The following RABGAP1L variants were observed in gnomAD, a reference collection of about 807,000 sequenced individuals.
The protein encoded by RABGAP1L is rab GTPase-activating protein 1-like.
RABGAP1L carries 63 observed loss-of-function variants against 137.7 expected under a neutral mutation model. That is an observed-to-expected ratio of 0.46 (90% confidence interval 0.37 to 0.56). The LOEUF (loss-of-function observed/expected upper bound fraction) is 0.56, where lower values mean the gene tolerates loss of function less well. Ranked by LOEUF, RABGAP1L falls within the 20% of genes least tolerant of loss-of-function variation. The probability of loss-of-function intolerance (pLI) is 0.00; values close to 1 mark genes in which losing one functional copy is unlikely to be tolerated. For synonymous variants in RABGAP1L, 431 were observed against 433.7 expected (o/e 0.99, Z 0.08); for missense variants, 1,095 against 1,244.0 (o/e 0.88, Z 1.80).
intron 17 of RABGAP1L, among the ~76,000 whole-genome samples, chr1:174,727,654 TA>T (rs1558023513): frequency 6.6e-6 from 1 of 152,188 alleles, no homozygotes; most frequent in Non-Finnish European, 1.5e-5. Context: ...TTGTATATCT[TA>T]AAATGACAAG....
rs148959789 is a variant in RABGAP1L at position 174,459,351 on chromosome 1, A to C, written c.1710+65206A>C. ...GTAAGAAAATGAATAAATGATCTTG[A>C]TGTTTTTCTTGAAAATACAGTTCAC... is the stretch of plus-strand genomic sequence containing the variant. On this transcript the variant is annotated intron_variant, in intron 13 of 25. Coordinates refer to ENST00000681986, the MANE Select transcript of RABGAP1L (RefSeq NM_001366446.1). 1.3e-3 allele frequency among the ~76,000 whole-genome samples: 196 copies of C among 152,272 alleles called. 1 individual carries two copies. Among genetic ancestry groups the C allele is most frequent in the African/African-American group, 4.6e-3 (192 of 41,594 alleles).
In RABGAP1L at chr1:174,752,313, G is replaced by C; in HGVS notation, c.2170G>C (p.Gly724Arg). The C allele has an allele frequency of 6.3e-7, 1 of 1,581,768 alleles. No homozygotes were observed. Among genetic ancestry groups the C allele is most frequent in the Non-Finnish European group, 8.6e-7 (1 of 1,162,464 alleles). ...FHIIDLLLCE[G>R]LNIIFHVALA... ...TCTTCACTTTCTTTTTCTATTTCAG[G>C]GTTTGAACATAATCTTTCATGTAGC... The change falls in exon 18 of 26, where the codon GGT becomes CGT. Residue 724 changes from glycine (G) to arginine (R), a missense_variant and splice_region_variant. By Grantham distance (125) the Gly-to-Arg change is moderately radical. This residue lies in a region of RABGAP1L where 312 missense variants were observed against 435.6 expected (regional missense o/e 0.72). Coordinates refer to ENST00000681986, the MANE Select transcript of RABGAP1L (RefSeq NM_001366446.1).
intron 13 of RABGAP1L, among the ~76,000 whole-genome samples, chr1:174,475,007 G>T (rs558369335): frequency 6.6e-6 from 1 of 152,096 alleles, no homozygotes; most frequent in South Asian, 2.1e-4. Context: ...TGTATTAAAT[G>T]TAATGTATGT....
chr1:174,826,615 A>G (rs1340330568), intron 19 of RABGAP1L, among the ~76,000 whole-genome samples: 1 of 152,214 alleles, frequency 6.6e-6, no homozygotes, highest in Non-Finnish European at 1.5e-5. Context: ...ACATACAGGT[A>G]CATGTGTCTT....
chr1:174,962,163 A>C (rs1484989066), intron 20 of RABGAP1L, among the ~76,000 whole-genome samples: 4 of 148,236 alleles, frequency 2.7e-5, no homozygotes, highest in Admixed American at 1.3e-4. Context: ...CGACAGAGTG[A>C]GACTCCGTCT....
At chr1:174,333,518 G>A (rs1681216492) in intron 11 of RABGAP1L, among the ~76,000 whole-genome samples, 1 of 152,150 alleles carries the variant, frequency 6.6e-6, no homozygotes, top group Admixed American at 6.5e-5. Context: ...AGCTCAGCAA[G>A]TCCACTTATT....
rs190865449 is a variant in RABGAP1L at position 174,964,282 on chromosome 1, C to T, written c.2434-4995C>T. On this transcript the variant is annotated intron_variant, in intron 20 of 25. Transcript: ENST00000681986. Reference sequence around the variant, plus strand: ...CCTTAAAAGTCTTTAAAAGCATGTGCCAAGAATTCATCATAGCAGCAGACA... The same window carrying T: ...CCTTAAAAGTCTTTAAAAGCATGTGTCAAGAATTCATCATAGCAGCAGACA... Among the ~76,000 whole-genome samples the T allele has an allele frequency of 2.1e-4, 32 of 152,224 alleles. No individual in the cohort carries two copies. The East Asian group carries it at 4.8e-3, about 23-fold the overall frequency.
chr1:174,174,547 C>G (rs1665681474), intron 1 of RABGAP1L, among the ~76,000 whole-genome samples: 1 of 152,196 alleles, frequency 6.6e-6, no homozygotes, highest in Non-Finnish European at 1.5e-5. Flanking sequence ...TAGCTCATTT[C>G]AAGTCCAAAG....
chr1:174,874,852 G>A (rs182794027), intron 19 of RABGAP1L, among the ~76,000 whole-genome samples: 1 of 152,002 alleles, frequency 6.6e-6, no homozygotes, highest in Non-Finnish European at 1.5e-5. Context: ...CACAAATATA[G>A]TACACTTAAT....
chr1:174,856,936 A>G (rs1649416088), intron 19 of RABGAP1L, among the ~76,000 whole-genome samples: 1 of 152,130 alleles, frequency 6.6e-6, no homozygotes, highest in Admixed American at 6.5e-5. Flanking sequence ...CCAAAAAAAA[A>G]AAAAGTTAGA....
intron 17 of RABGAP1L, among the ~76,000 whole-genome samples, chr1:174,729,957 TC>T (rs1194307189): frequency 6.6e-6 from 1 of 152,176 alleles, no homozygotes; most frequent in East Asian, 1.9e-4. Flanking sequence ...GACCCAGCAA[TC>T]CCATTACTGG....
At chr1:174,622,638 G>T (rs1448434407) in intron 13 of RABGAP1L, among the ~76,000 whole-genome samples, 1 of 152,152 alleles carries the variant, frequency 6.6e-6, no homozygotes, top group Non-Finnish European at 1.5e-5. Context: ...CTCACTCATA[G>T]GTGGGAATTG....
chr1:174,575,483 C>T (rs868330608), intron 13 of RABGAP1L, among the ~76,000 whole-genome samples: 11 of 152,032 alleles, frequency 7.2e-5, no homozygotes, highest in Admixed American at 1.3e-4. Context: ...AAAGACCCAT[C>T]ATCAGTTGTG....
At chr1:174,895,516 A>C (rs902021037) in intron 19 of RABGAP1L, among the ~76,000 whole-genome samples, 3 of 151,390 alleles carry the variant, frequency 2.0e-5, no homozygotes, top group African/African-American at 7.3e-5. Flanking sequence ...ATATGTATAC[A>C]TGTGCCATGT....
At chr1:174,312,813 A>G (rs1399774202) in intron 11 of RABGAP1L, among the ~76,000 whole-genome samples, 1 of 152,170 alleles carries the variant, frequency 6.6e-6, no homozygotes, top group Non-Finnish European at 1.5e-5. Flanking sequence ...CCTTCTGGAT[A>G]TGGATATTCA....
chr1:174,699,003 AT>A (rs11350428), intron 15 of RABGAP1L, among the ~76,000 whole-genome samples: 15,055 of 147,920 alleles, frequency 0.1, 915 homozygotes, highest in East Asian at 0.32. Flanking sequence ...ATTTTATTTT[AT>A]TTTTTTTTTA....
intron 13 of RABGAP1L, among the ~76,000 whole-genome samples, chr1:174,444,155 C>T (rs1291028263): frequency 6.6e-6 from 1 of 150,912 alleles, no homozygotes; most frequent in Non-Finnish European, 1.5e-5. Flanking sequence ...CTTAGCTATT[C>T]AGGGTCTTTT....
At chr1:174,556,768 G>T (rs1487008207) in intron 13 of RABGAP1L, among the ~76,000 whole-genome samples, 1 of 152,216 alleles carries the variant, frequency 6.6e-6, no homozygotes, top group Non-Finnish European at 1.5e-5. Flanking sequence ...TTTGATAAGT[G>T]CACATTTCTC....
At chr1:174,293,686 C>A (rs917535592) in intron 10 of RABGAP1L, among the ~76,000 whole-genome samples, 2 of 152,024 alleles carry the variant, frequency 1.3e-5, no homozygotes, top group Non-Finnish European at 2.9e-5. Flanking sequence ...AGGCCAAAGT[C>A]CTGTATCACT....
Sources: gnomAD v4.1 joint callset for allele counts (sites outside exome capture counted in the v4.1 genomes callset) on GRCh38, gnomAD v4.1.1 for gene constraint, gnomAD v4.1.1 regional missense constraint, MANE v1.5 for transcripts, NCBI Gene and HGNC (gene_info 2026-07-23, HGNC 2026-07-21) for gene names.